Variants in SOX5 observed in about 807,000 individuals in gnomAD.
SOX5 encodes the protein SRY-box transcription factor 5, also known as transcription factor SOX-5.
SOX5 carries 9 observed loss-of-function variants against 92.0 expected under a neutral mutation model. That is an observed-to-expected ratio of 0.10 (90% confidence interval 0.06 to 0.17). The LOEUF (loss-of-function observed/expected upper bound fraction) is 0.17, where lower values mean the gene tolerates loss of function less well. Ranked by LOEUF, SOX5 falls within the 10% of genes least tolerant of loss-of-function variation. SOX5 has a pLI of 1.00. For synonymous variants in SOX5, 344 were observed against 336.3 expected (o/e 1.02, Z -0.25); for missense variants, 642 against 944.5 (o/e 0.68, Z 4.20).
chr12:24,084,923 A>G (rs1405124865), intron 4 of SOX5, among the ~76,000 whole-genome samples: 1 of 152,120 alleles, frequency 6.6e-6, no homozygotes, highest in Non-Finnish European at 1.5e-5. Flanking sequence ...AGAAACCTTT[A>G]AGTGATTATA....
chr12:23,844,582 GT>G, intron 3 of SOX5, among the ~76,000 whole-genome samples: 1 of 152,130 alleles, frequency 6.6e-6, no homozygotes, highest in East Asian at 1.9e-4. Flanking sequence ...CACTTTGTAT[GT>G]CTGTAACTTC....
intron 1 of SOX5, chr12:24,460,604 G>C (rs1943515860): frequency 6.6e-6 from 1 of 152,198 alleles, no homozygotes; most frequent in Non-Finnish European, 1.5e-5. Context: ...ACTCAGTTTA[G>C]AAATCTCCCA....
chr12:24,091,313 G>T (rs1006895997), intron 4 of SOX5, among the ~76,000 whole-genome samples: 1 of 151,910 alleles, frequency 6.6e-6, no homozygotes, highest in Non-Finnish European at 1.5e-5. Flanking sequence ...GTCATATACT[G>T]TATCATTGGT....
chr12:24,285,311 T>C (rs1945734739), intron 2 of SOX5, among the ~76,000 whole-genome samples: 2 of 138,154 alleles, frequency 1.4e-5, no homozygotes, highest in Admixed American at 1.4e-4. Context: ...TAAAGCATGG[T>C]ACCCTTTCAA....
intron 1 of SOX5, among the ~76,000 whole-genome samples, chr12:24,503,638 T>C (rs763220680): frequency 2.0e-5 from 3 of 152,182 alleles, no homozygotes; most frequent in Non-Finnish European, 4.4e-5. Flanking sequence ...GGGAATACTA[T>C]GCAGCCTTAA....
chr12:23,774,774 G>GA lies in SOX5; in HGVS notation c.482-19051dup, dbSNP rs139217403. ...CATTCTTGTAGTCATTTTCTCTGAA[G>GA]AAAAAAAAATAGTACTGGAATATTA... On this transcript the variant is annotated intron_variant, in intron 3 of 14. Transcript: ENST00000451604. Among the ~76,000 whole-genome samples the GA allele has an allele frequency of 9.9e-4, 148 of 149,338 alleles. 1 individual carries two copies. The highest frequency in any genetic ancestry group is 8.6e-3 in the East Asian group (44 of 5,138).
chr12:24,247,143 G>A (rs959309171), intron 3 of SOX5, among the ~76,000 whole-genome samples: 7 of 152,120 alleles, frequency 4.6e-5, no homozygotes, highest in East Asian at 1.9e-4. Context: ...CTCCGATGCC[G>A]TGCCAAATAC....
rs573439948 is a variant in SOX5 at position 23,783,814 on chromosome 12, G to A, written c.482-28090C>T. Among the ~76,000 whole-genome samples the A allele has an allele frequency of 8.5e-4, 130 of 152,184 alleles. 1 individual carries two copies. Among genetic ancestry groups the A allele is most frequent in the African/African-American group, 3.0e-3 (123 of 41,540 alleles). On this transcript the variant is annotated intron_variant, in intron 3 of 14. Coordinates refer to ENST00000451604, the MANE Select transcript of SOX5 (RefSeq NM_006940.6). ...GCTCCAAAGAGGCCACCACTAAAGC[G>A]CATTTCCTCCACATGCAACAAATAC... is the stretch of plus-strand genomic sequence containing the variant.
At chr12:24,000,995 T>C (rs1372994225) in intron 4 of SOX5, among the ~76,000 whole-genome samples, 1 of 152,156 alleles carries the variant, frequency 6.6e-6, no homozygotes. Context: ...TTTTCAAGAA[T>C]ACATGGAGCA....
chr12:24,220,698 T>C (rs1351335917), intron 3 of SOX5, among the ~76,000 whole-genome samples: 1 of 152,150 alleles, frequency 6.6e-6, no homozygotes, highest in Non-Finnish European at 1.5e-5. Flanking sequence ...AAGTATCTAA[T>C]TGCATCCCTG....
intron 2 of SOX5, among the ~76,000 whole-genome samples, chr12:23,886,047 C>G (rs939343152): frequency 6.6e-6 from 1 of 152,082 alleles, no homozygotes; most frequent in African/African-American, 2.4e-5. Flanking sequence ...TAATGTACCA[C>G]CAATAGTGTC....
intron 4 of SOX5, among the ~76,000 whole-genome samples, chr12:23,992,570 T>C (rs1950663636): frequency 6.6e-6 from 1 of 152,184 alleles, no homozygotes; most frequent in African/African-American, 2.4e-5. Flanking sequence ...GAAAACTTTT[T>C]TTCATGAGTT....
intron 1 of SOX5, among the ~76,000 whole-genome samples, chr12:24,535,141 A>G (rs1029321448): frequency 2.0e-5 from 3 of 152,188 alleles, no homozygotes; most frequent in Non-Finnish European, 2.9e-5. Flanking sequence ...CAGGTCATTT[A>G]CCATCCCATA....
intron 2 of SOX5, among the ~76,000 whole-genome samples, chr12:24,336,937 C>T (rs1235144904): frequency 3.3e-5 from 5 of 152,152 alleles, no homozygotes; most frequent in East Asian, 1.9e-4. Flanking sequence ...CTTTGTAAAA[C>T]GACCTGCATT....
At chr12:24,159,672 C>A (rs1952550957) in intron 4 of SOX5, among the ~76,000 whole-genome samples, 1 of 151,954 alleles carries the variant, frequency 6.6e-6, no homozygotes, top group Non-Finnish European at 1.5e-5. Context: ...AAAACAAATT[C>A]ATCTATCAGC....
chr12:23,585,829 T>C (rs143391248), intron 9 of SOX5, among the ~76,000 whole-genome samples: 4,058 of 152,288 alleles, frequency 0.027, 80 homozygotes, highest in Middle Eastern at 0.095. Flanking sequence ...ACATTCAACA[T>C]GGAGGATATC....
chr12:24,065,115 G>A (rs755437902), intron 4 of SOX5, among the ~76,000 whole-genome samples: 5 of 152,150 alleles, frequency 3.3e-5, no homozygotes, highest in Non-Finnish European at 7.3e-5. Flanking sequence ...GCAGTTTAGG[G>A]ATGTGCGGAT....
intron 3 of SOX5, among the ~76,000 whole-genome samples, chr12:23,811,319 C>T (rs2095871838): frequency 6.6e-6 from 1 of 152,110 alleles, no homozygotes; most frequent in Non-Finnish European, 1.5e-5. Flanking sequence ...CCAGATTGCA[C>T]TCATATTGTT....
At chr12:23,667,081 G>A (rs904626023) in intron 6 of SOX5, among the ~76,000 whole-genome samples, 5 of 152,076 alleles carry the variant, frequency 3.3e-5, no homozygotes, top group Non-Finnish European at 7.4e-5. Context: ...GAGGGAGAAG[G>A]GGAGGAGAGG....
Sources: allele counts gnomAD v4.1 joint callset (sites outside exome capture counted in the v4.1 genomes callset), GRCh38; gene constraint gnomAD v4.1.1; transcripts MANE v1.5; gene names NCBI Gene and HGNC (gene_info 2026-07-23, HGNC 2026-07-21).